The following ANO5 variants were observed in gnomAD, a reference collection of about 807,000 sequenced individuals.
ANO5 encodes the protein anoctamin 5, also known as anoctamin-5.
A neutral mutation model predicts 121.0 loss-of-function variants in ANO5; 109 were observed. The ratio of observed to expected loss-of-function variants is 0.90; its 90% CI spans 0.77 to 1.06. The LOEUF is 1.06. Among genes scored for constraint, ANO5 ranks in the 50% least tolerant of loss-of-function variants. ANO5 has a pLI of 0.00. For missense variants in ANO5, 1,064 were observed against 1,078.5 expected, an observed-to-expected ratio of 0.99 and a Z score of 0.19; for synonymous variants, 406 against 359.9, an observed-to-expected ratio of 1.13 and a Z score of -1.45.
Position 22,203,870 on chromosome 11 carries a change from A to G in ANO5, c.87+20A>G. 1 of 1,408,984 alleles carries G rather than the reference A, an allele frequency of 7.1e-7. No homozygotes were observed. The highest frequency in any genetic ancestry group is 1.8e-4 in the Middle Eastern group (1 of 5,512). The allele number at this position is 1,408,984 out of a possible 1,614,324, so 87.3% of individuals were successfully genotyped here. ...AGTGAGGTAAGTTAAATATATATGC[A>G]TTAACTTCCTTATAAGTCAGAATAA... On this transcript the variant is annotated intron_variant, in intron 2 of 21. Coordinates refer to ENST00000324559, the MANE Select transcript of ANO5 (RefSeq NM_213599.3).
intron 3 of ANO5, among the ~76,000 whole-genome samples, chr11:22,211,932 A>T (rs1188790193): frequency 6.6e-6 from 1 of 151,750 alleles, no homozygotes; most frequent in African/African-American, 2.4e-5. Context: ...TGGAATGAGG[A>T]TTGTGATATT....
At chr11:22,264,191 G>T (rs2133754768) in intron 17 of ANO5, among the ~76,000 whole-genome samples, 1 of 151,772 alleles carries the variant, frequency 6.6e-6, no homozygotes, top group South Asian at 2.1e-4. Flanking sequence ...ACCTAGCTAA[G>T]TTTCTGTATT....
intron 9 of ANO5, among the ~76,000 whole-genome samples, chr11:22,240,500 A>G (rs1162846720): frequency 2.6e-5 from 4 of 152,110 alleles, no homozygotes; most frequent in African/African-American, 9.7e-5. Flanking sequence ...TCTCAACAGT[A>G]TGTTTAAGTC....
intron 20 of ANO5, among the ~76,000 whole-genome samples, chr11:22,275,374 G>C (rs538355167): frequency 1.3e-5 from 2 of 151,560 alleles, no homozygotes; most frequent in Non-Finnish European, 3.0e-5. Context: ...TTTCATTTGA[G>C]ACTCCAAACA....
intron 18 of ANO5, 128 bp from the exon 19 acceptor site, chr11:22,272,650 CAGACGG>C: frequency 1.2e-6 from 1 of 823,026 alleles, no homozygotes; most frequent in South Asian, 1.5e-5. Flanking sequence ...AGGAACTGGA[CAGACGG>C]ATGGAAGCCT....
At chr11:22,273,654 A>C (rs1267248500) in intron 19 of ANO5, among the ~76,000 whole-genome samples, 1 of 151,816 alleles carries the variant, frequency 6.6e-6, no homozygotes, top group Non-Finnish European at 1.5e-5. Flanking sequence ...ATTGTAAATC[A>C]AATTGATAGT....
Position 22,272,976 on chromosome 11 carries a change from C to A in ANO5, c.2222C>A (p.Ser741Tyr), listed in dbSNP as rs1216567128. ...QDILYGMAVL[S>Y]VATNAFIVAF... ...ATTCTTTATGGAATGGCTGTCCTTT[C>A]TGTTGCAACTAATGTAAGTGGACCT... Residue 741 changes from serine to tyrosine, a missense_variant, in exon 19 of 22, where the codon TCT becomes TAT. Transcript: ENST00000324559. 13 of 1,613,890 alleles carry A rather than the reference C, an allele frequency of 8.1e-6. No individual in the cohort carries two copies. In the South Asian group the frequency reaches 1.1e-4, roughly 14 times the overall value.
chr11:22,217,748 A>T (rs1270545988), intron 3 of ANO5, among the ~76,000 whole-genome samples: 3 of 151,332 alleles, frequency 2.0e-5, no homozygotes, highest in Admixed American at 2.0e-4. Flanking sequence ...ATGGACTCAT[A>T]GAAGGAAATA....
At chr11:22,238,769 T>A (rs1183103510) in intron 8 of ANO5, among the ~76,000 whole-genome samples, 2 of 152,134 alleles carry the variant, frequency 1.3e-5, no homozygotes, top group African/African-American at 4.8e-5. Context: ...TACTTTAAGT[T>A]TTAGGGTACA....
Position 22,193,133 on chromosome 11 carries a change from C to G in ANO5, c.-360C>G, listed in dbSNP as rs1590202022. 1 of 1,103,340 alleles carries G rather than the reference C, an allele frequency of 9.1e-7. No individual in the cohort carries two copies. Among genetic ancestry groups the G allele is most frequent in the Admixed American group, 4.7e-5 (1 of 21,072 alleles). The allele number at this position is 1,103,340 out of a possible 1,614,324, so 68.3% of individuals were successfully genotyped here. A position where few individuals can be genotyped will look rare whatever the true frequency, so the allele number is the denominator to read the frequency against. ...GGAGGAGTGGCGGCTGCGGGATCAG[C>G]TGCCGAGCAGGCACAGGGACAGGTG... On this transcript the variant is annotated 5_prime_UTR_variant, in exon 1 of 22. Coordinates refer to ENST00000324559, the MANE Select transcript of ANO5 (RefSeq NM_213599.3).
At chr11:22,258,905 A>AGGCAGATCACGAGGTC (rs1854091547) in intron 14 of ANO5, among the ~76,000 whole-genome samples, 1 of 152,034 alleles carries the variant, frequency 6.6e-6, no homozygotes, top group Non-Finnish European at 1.5e-5. Context: ...AGGCCAAGGT[A>AGGCAGATCACGAGGTC]GGCAGATCAC....
rs761844929 is a variant in ANO5, at chr11:22,274,622, T to C, written c.2289T>C (p.Tyr763=). 3 of 1,613,230 alleles carry C rather than the reference T, an allele frequency of 1.9e-6. No homozygotes were observed. Among genetic ancestry groups the C allele is most frequent in the South Asian group, 2.2e-5 (2 of 91,056 alleles). The change falls in exon 20 of 22, where the codon TAT becomes TAC. Residue 763 remains tyrosine (Y), a synonymous_variant. Transcript: ENST00000324559. ...TCATTCCCCGTCTAGTTTACTACTATGCTTACTCAACAAATGCCACACAGC... is the reference window on the plus strand; with the variant it reads ...TCATTCCCCGTCTAGTTTACTACTACGCTTACTCAACAAATGCCACACAGC... ...SDIIPRLVYY[Y]AYSTNATQPM... is the part of the protein sequence containing the mutation.
intron 8 of ANO5, among the ~76,000 whole-genome samples, chr11:22,238,285 T>G (rs867018423): frequency 0.012 from 1,812 of 151,702 alleles, 34 homozygotes; most frequent in African/African-American, 0.042. Context: ...ATAGTTTTTT[T>G]TTTTTTTTTG....
intron 21 of ANO5, among the ~76,000 whole-genome samples, chr11:22,278,447 G>T (rs1854945995): frequency 6.7e-6 from 1 of 149,690 alleles, no homozygotes; most frequent in Admixed American, 6.7e-5. Flanking sequence ...CTAATTATTT[G>T]TTTTCTATGA....
intron 9 of ANO5, among the ~76,000 whole-genome samples, chr11:22,243,346 A>G (rs567537710): frequency 4.1e-4 from 62 of 151,980 alleles, no homozygotes; most frequent in Admixed American, 1.8e-3. Context: ...TTGTGTCTGT[A>G]TTCATCAGGG....
At chr11:22,254,564 C>T (rs896135106) in intron 12 of ANO5, among the ~76,000 whole-genome samples, 6 of 151,068 alleles carry the variant, frequency 4.0e-5, no homozygotes, top group Middle Eastern at 3.4e-3. Flanking sequence ...AATGAATTTT[C>T]GCTGTACACA....
intron 9 of ANO5, among the ~76,000 whole-genome samples, chr11:22,241,858 T>C (rs546940868): frequency 6.6e-6 from 1 of 152,084 alleles, no homozygotes; most frequent in South Asian, 2.1e-4. Flanking sequence ...CTATTGATAC[T>C]TTCTTTTGCT....
intron 20 of ANO5, 102 bp downstream of exon 20, chr11:22,274,849 AG>A (rs1356048903): frequency 2.2e-6 from 3 of 1,384,760 alleles, no homozygotes; most frequent in Admixed American, 1.9e-5. Context: ...GGATTTTCTT[AG>A]GGCAACAAAA....
intron 18 of ANO5, among the ~76,000 whole-genome samples, chr11:22,271,920 G>A (rs2133784619): frequency 6.6e-6 from 1 of 152,154 alleles, no homozygotes. Flanking sequence ...AGGTGAATAT[G>A]TATTTTTTTC....
Sources: allele counts gnomAD v4.1 joint callset (sites outside exome capture counted in the v4.1 genomes callset), GRCh38; gene constraint gnomAD v4.1.1; transcripts MANE v1.5; gene names NCBI Gene and HGNC (gene_info 2026-07-23, HGNC 2026-07-21).